Variants in MAP4 observed in about 807,000 individuals in gnomAD.
The protein encoded by MAP4 is microtubule associated protein 4, also known as microtubule-associated protein 4.
In MAP4, 76 loss-of-function variants were observed where a neutral mutation model predicts 170.2. That is an observed-to-expected ratio of 0.45 (90% confidence interval 0.37 to 0.54). The LOEUF (loss-of-function observed/expected upper bound fraction) is 0.54, where lower values mean the gene tolerates loss of function less well. MAP4 is among the 20% of genes least tolerant of loss of function. MAP4 has a pLI of 0.00. For synonymous variants in MAP4, 909 were observed against 994.5 expected (o/e 0.91, Z 1.62); for missense variants, 2,506 against 2,748.0 (o/e 0.91, Z 1.97).
At chr3:47,891,901 G>C in intron 10 of MAP4, 1 of 1,536,124 alleles carries the variant, frequency 6.5e-7, no homozygotes, top group Non-Finnish European at 8.7e-7. Flanking sequence ...CTTCCCTTGA[G>C]CCCAGAGAGC....
chr3:48,037,982 C>T (rs770326574), intron 1 of MAP4, among the ~76,000 whole-genome samples: 1 of 151,532 alleles, frequency 6.6e-6, no homozygotes, highest in Non-Finnish European at 1.5e-5. Context: ...GCCTGGCCAA[C>T]ATGGCAAAAT....
intron 3 of MAP4, among the ~76,000 whole-genome samples, chr3:47,936,593 T>G (rs957486572): frequency 1.5e-4 from 23 of 151,848 alleles, no homozygotes; most frequent in African/African-American, 5.1e-4. Flanking sequence ...CACGTAACAT[T>G]GAGGAAATCT....
At chr3:47,981,265 A>G (rs2100085267) in intron 2 of MAP4, among the ~76,000 whole-genome samples, 1 of 152,154 alleles carries the variant, frequency 6.6e-6, no homozygotes, top group South Asian at 2.1e-4. Context: ...AGCTAAATAT[A>G]GATAAAGGCC....
At chr3:47,908,959 C>A in intron 9 of MAP4, 79 bp downstream of exon 9, 2 of 1,432,058 alleles carry the variant, frequency 1.4e-6, no homozygotes, top group Non-Finnish European at 9.5e-7. Flanking sequence ...CTGGATGGAG[C>A]CAAGACACAA....
Position 48,032,435 on chromosome 3 carries a change from G to T in MAP4, c.-19-33556C>A, listed in dbSNP as rs2100116671. ...GAGAATTACTTGAATCTCGGAGGCGGAGGTTGCAGTTAGCCCAAGATCGCA... is the reference window on the plus strand; with the variant it reads ...GAGAATTACTTGAATCTCGGAGGCGTAGGTTGCAGTTAGCCCAAGATCGCA... On this transcript the variant is annotated intron_variant, in intron 1 of 18. Transcript: ENST00000360240. 3.3e-5 allele frequency among the ~76,000 whole-genome samples: 5 copies of T among 151,814 alleles called. No homozygotes were observed. In the South Asian group the frequency reaches 1.0e-3, roughly 32 times the overall value.
At chr3:47,931,815 T>C (rs953886895) in intron 3 of MAP4, 8 of 152,112 alleles carry the variant, frequency 5.3e-5, no homozygotes, top group African/African-American at 1.4e-4. Flanking sequence ...TTTTAAAGAC[T>C]AGTCAAGTAC....
chr3:48,045,982 TTC>T (rs869213659), intron 1 of MAP4, among the ~76,000 whole-genome samples: 2 of 142,296 alleles, frequency 1.4e-5, no homozygotes, highest in African/African-American at 5.4e-5. Context: ...CTTGCATCAC[TTC>T]TTTTTTTTTT....
chr3:47,868,903 A>G (rs1198404613), intron 16 of MAP4, among the ~76,000 whole-genome samples: 7 of 152,190 alleles, frequency 4.6e-5, no homozygotes, highest in African/African-American at 1.2e-4. Context: ...CATCCATACC[A>G]GGTAGGTTTC....
At chr3:47,963,675 C>A (rs2100073033) in intron 3 of MAP4, among the ~76,000 whole-genome samples, 2 of 152,314 alleles carry the variant, frequency 1.3e-5, no homozygotes, top group Admixed American at 1.3e-4. Flanking sequence ...GATCTACTAT[C>A]CACCAGACAG....
At position 47,916,914 on chromosome 3, in the gene MAP4, C is replaced by T; in HGVS notation, c.913G>A (p.Asp305Asn). 1 of 1,614,234 alleles carries T rather than the reference C, an allele frequency of 6.2e-7. No homozygotes were observed. Among genetic ancestry groups the T allele is most frequent in the South Asian group, 1.1e-5 (1 of 91,086 alleles). ...TCTTTTTCTGTGGGTAGTTCCATGT[C>T]CTTGACTAGGGCCATATCTGATTCC... Reference protein sequence around the residue: ...SMESDMALVKDMELPTEKEVA... With the variant: ...SMESDMALVKNMELPTEKEVA... The change falls in exon 7 of 21, where the codon GAC (aspartate) becomes AAC (asparagine). Residue 305 changes from aspartate (D) to asparagine (N), a missense_variant. Asp to Asn is a conservative substitution (Grantham distance 23, BLOSUM62 1). This residue lies in a region of MAP4 where 2,008 missense variants were observed against 2,206.0 expected (regional missense o/e 0.91). Transcript: ENST00000683076.
chr3:47,875,655 C>G (rs777810762), intron 12 of MAP4, 30 bp downstream of exon 12: 1 of 1,584,330 alleles, frequency 6.3e-7, no homozygotes, highest in Admixed American at 1.8e-5. Flanking sequence ...GAACAATTTT[C>G]CTCGGCACAG....
chr3:47,964,236 G>A (rs1251993729), intron 3 of MAP4, among the ~76,000 whole-genome samples: 1 of 152,180 alleles, frequency 6.6e-6, no homozygotes, highest in Non-Finnish European at 1.5e-5. Context: ...AGAATATGCT[G>A]CAGGGAGCAA....
chr3:47,865,608 A>G (rs2078063901), intron 17 of MAP4, among the ~76,000 whole-genome samples: 1 of 152,196 alleles, frequency 6.6e-6, no homozygotes, highest in South Asian at 2.1e-4. Flanking sequence ...GGATGTCATG[A>G]TCACCAAGGA....
chr3:47,897,331 T>C (rs1380566814), intron 10 of MAP4, among the ~76,000 whole-genome samples: 1 of 152,114 alleles, frequency 6.6e-6, no homozygotes, highest in Non-Finnish European at 1.5e-5. Context: ...TTCACGATGT[T>C]GGCCAGGCTG....
At chr3:47,873,387 G>A (rs2094155796) in intron 12 of MAP4, among the ~76,000 whole-genome samples, 1 of 152,190 alleles carries the variant, frequency 6.6e-6, no homozygotes, top group African/African-American at 2.4e-5. Flanking sequence ...TTACAAAAGA[G>A]AGTATGCCAA....
chr3:48,054,808 CA>C (rs1044719447), intron 1 of MAP4, among the ~76,000 whole-genome samples: 193 of 128,212 alleles, frequency 1.5e-3, no homozygotes, highest in Non-Finnish European at 1.5e-3. Flanking sequence ...ACTCTGTCTC[CA>C]AAAAAAAAAA....
intron 17 of MAP4, among the ~76,000 whole-genome samples, chr3:47,858,629 T>C (rs2060657491): frequency 6.7e-6 from 1 of 149,914 alleles, no homozygotes; most frequent in African/African-American, 2.5e-5. Flanking sequence ...GTTGTGTGTG[T>C]GTGTGTGTGT....
chr3:47,855,454 A>C lies in MAP4; in HGVS notation c.6584-94T>G, dbSNP rs2053904835. ...GCGATATGCCCAATCTAGAAATGAG[A>C]CAGACGTGACCTGTTCTGGGTGGCA... On this transcript the variant is annotated intron_variant, in intron 18 of 20. Coordinates refer to ENST00000683076, the MANE Select transcript of MAP4 (RefSeq NM_001385682.1). The surrounding 1 kb of genome is among the most constrained non-coding windows in gnomAD (Gnocchi z 5.1). The C allele has an allele frequency of 1.3e-6, 1 of 786,954 alleles. No homozygotes were observed. Among genetic ancestry groups the C allele is most frequent in the Non-Finnish European group, 2.3e-6 (1 of 438,018 alleles). 48.7% of individuals were successfully genotyped at this position (786,954 alleles called of 1,614,324 possible).
intron 2 of MAP4, among the ~76,000 whole-genome samples, chr3:47,992,595 A>AAT (rs1448225581): frequency 1.3e-5 from 2 of 152,006 alleles, no homozygotes; most frequent in African/African-American, 4.8e-5. Flanking sequence ...GCCCAGCTAT[A>AAT]ATTATAAACT....
Sources: allele counts gnomAD v4.1 joint callset (sites outside exome capture counted in the v4.1 genomes callset), GRCh38; gene constraint gnomAD v4.1.1; regional missense constraint gnomAD v4.1.1; non-coding constraint Gnocchi (gnomAD v3.1); transcripts MANE v1.5; gene names NCBI Gene and HGNC (gene_info 2026-07-23, HGNC 2026-07-21).